The following DNAH2 variants were observed in gnomAD, a reference collection of about 807,000 sequenced individuals.
DNAH2 encodes the protein axonemal beta dynein heavy chain 2.
Under a neutral mutation model 523.5 loss-of-function variants are expected in DNAH2, and 323 were observed. That is an observed-to-expected ratio of 0.62 (90% confidence interval 0.56 to 0.68). The LOEUF is 0.68. Ranked by LOEUF, DNAH2 falls within the 30% of genes least tolerant of loss-of-function variation. The pLI, the probability that DNAH2 is intolerant of heterozygous loss-of-function variation, is 0.00. For missense variants in DNAH2, 4,907 were observed against 5,701.5 expected (o/e 0.86, Z 4.49); for synonymous variants, 2,093 against 2,177.4 (o/e 0.96, Z 1.08).
rs949267721 is a variant in DNAH2, at chr17:7,821,424, G to A, written c.11142+55G>A. ...TGGGATGGTCAAGGTTGGGGATGAG[G>A]GCAAGTGTGACAAGGACTCCAGACC... On this transcript the variant is annotated intron_variant, in intron 73 of 85. Transcript: ENST00000572933. This position sits in a 1 kb window ranked among gnomAD's most constrained non-coding sequence, Gnocchi z 5.0. 8.9e-6 allele frequency: 14 copies of A among 1,572,552 alleles called. No homozygotes were observed. In the Admixed American group the frequency reaches 2.5e-4, roughly 28 times the overall value.
rs2076937330 is a variant in DNAH2 at position 7,792,859 on chromosome 17, TG to T, written c.7344+5del. 1 of 1,609,294 alleles carries T rather than the reference TG, an allele frequency of 6.2e-7. No individual in the cohort carries two copies. Among genetic ancestry groups the T allele is most frequent in the South Asian group, 1.1e-5 (1 of 91,046 alleles). ...CGTTGTCAACATGTCCGCACAGGTG[TG>T]TCGGGGATCCAGGGGCCAGGCTGCC... On this transcript the variant is annotated splice_donor_5th_base_variant and intron_variant, in intron 47 of 85. Transcript: ENST00000572933.
Position 7,832,453 on chromosome 17 carries a change from G to A in DNAH2, c.12727-126G>A. The A allele has an allele frequency of 8.5e-7, 1 of 1,172,988 alleles. No homozygotes were observed. Among genetic ancestry groups the A allele is most frequent in the South Asian group, 1.5e-5 (1 of 68,026 alleles). The allele number at this position is 1,172,988 out of a possible 1,614,324, so 72.7% of individuals were successfully genotyped here. On this transcript the variant is annotated intron_variant, in intron 82 of 85. Transcript: ENST00000572933. The surrounding 1 kb of genome is among the most constrained non-coding windows in gnomAD (Gnocchi z 4.3). ...TAACTTGGGAGGTGGAGGTTGCAGT[G>A]AGCCAAGATCGTACCACTGCACTCC...
intron 63 of DNAH2, among the ~76,000 whole-genome samples, chr17:7,810,731 C>CTGATA (rs56720790): frequency 0.85 from 129,072 of 151,754 alleles, 56,301 homozygotes; most frequent in Non-Finnish European, 0.94. Context: ...AGGCACTGTG[C>CTGATA]CCTGGGCCCT....
chr17:7,740,295 G>A, intron 9 of DNAH2, 125 bp from the exon 10 acceptor site: 1 of 1,431,408 alleles, frequency 7.0e-7, no homozygotes, highest in Non-Finnish European at 9.5e-7. Context: ...TGTAGGTAAA[G>A]TACTTGGAGT....
At chr17:7,766,025 C>T (rs745526038) in intron 21 of DNAH2, among the ~76,000 whole-genome samples, 1 of 152,144 alleles carries the variant, frequency 6.6e-6, no homozygotes, top group Non-Finnish European at 1.5e-5. Context: ...GATCTGCCTG[C>T]CTCGGCCTCC....
rs761707767 is a variant in DNAH2, at chr17:7,807,625, C to T, written c.9729+39C>T. On this transcript the variant is annotated intron_variant, in intron 63 of 85. Coordinates refer to ENST00000572933, the MANE Select transcript of DNAH2 (RefSeq NM_020877.5). This position sits in a 1 kb window ranked among gnomAD's most constrained non-coding sequence, Gnocchi z 5.6. ...CTGTCCTTTCCACGGAGGTCCCTCT[C>T]CCTGAGTTCTGGATTGCTTCATTAA... The T allele has an allele frequency of 3.2e-6, 5 of 1,562,014 alleles. No homozygotes were observed. The highest frequency in any genetic ancestry group is 1.1e-5 in the South Asian group (1 of 90,116).
intron 78 of DNAH2, 44 bp downstream of exon 78, chr17:7,830,535 C>T (rs148982764): frequency 6.2e-7 from 1 of 1,608,576 alleles, no homozygotes; most frequent in African/African-American, 1.3e-5. Flanking sequence ...TCTCTCCTTA[C>T]ACGTCCTACC....
In DNAH2 at chr17:7,818,298, T is replaced by C. The variant is rs1597760688; in HGVS notation, c.10388-14T>C. Reference sequence around the variant, plus strand: ...CACATGGAGTCCTTGCCCCTGACCCTTCCGTGGATGCAGGTGGTCGGCTGT... The same window carrying C: ...CACATGGAGTCCTTGCCCCTGACCCCTCCGTGGATGCAGGTGGTCGGCTGT... On this transcript the variant is annotated splice_polypyrimidine_tract_variant and intron_variant, in intron 68 of 85. Coordinates refer to ENST00000572933, the MANE Select transcript of DNAH2 (RefSeq NM_020877.5). 6.2e-7 allele frequency: 1 copy of C among 1,613,708 alleles called. No individual in the cohort carries two copies. Among genetic ancestry groups the C allele is most frequent in the East Asian group, 2.2e-5 (1 of 44,888 alleles).
intron 63 of DNAH2, among the ~76,000 whole-genome samples, chr17:7,813,415 G>A (rs1403420662): frequency 6.6e-6 from 1 of 151,948 alleles, no homozygotes; most frequent in African/African-American, 2.4e-5. Flanking sequence ...TTATTACAGC[G>A]TTGTTAATAG....
chr17:7,763,714 C>T, intron 18 of DNAH2, 117 bp from the exon 19 acceptor site: 3 of 1,237,060 alleles, frequency 2.4e-6, no homozygotes, highest in Non-Finnish European at 3.5e-6. Context: ...TAGAAGAACA[C>T]TCTAGAACTG....
At chr17:7,827,051 G>A (rs925602640) in intron 77 of DNAH2, among the ~76,000 whole-genome samples, 5 of 151,968 alleles carry the variant, frequency 3.3e-5, no homozygotes, top group Admixed American at 6.5e-5. Context: ...TGCAACCATT[G>A]CTATATATGT....
Position 7,786,592 on chromosome 17 carries a change from C to T in DNAH2, c.6371C>T (p.Ala2124Val), listed in dbSNP as rs1191906322. Residue 2124 changes from alanine (A) to valine (V), a missense_variant, in exon 41 of 86, where the codon GCA becomes GTA. Around this residue, in one of 3 missense-constraint regions of DNAH2, gnomAD observed 2,806 missense variants for 3,190.8 expected, o/e 0.88. Transcript: ENST00000572933. This position sits in a 1 kb window ranked among gnomAD's most constrained non-coding sequence, Gnocchi z 7.5. ...CAGGAGTTCCCTTTGAACCCCAAGGCATTGTCCCTAGGGGAACTGTATGGG... is the reference window on the plus strand; with the variant it reads ...CAGGAGTTCCCTTTGAACCCCAAGGTATTGTCCCTAGGGGAACTGTATGGG... ...IVREFPLNPK[A>V]LSLGELYGEY... is the part of the protein sequence containing the mutation. 7 of 1,613,844 alleles carry T rather than the reference C, an allele frequency of 4.3e-6. 1 individual carries two copies. The highest frequency in any genetic ancestry group is 5.9e-6 in the Non-Finnish European group (7 of 1,179,970).
At chr17:7,744,722 A>G (rs1182559930) in intron 12 of DNAH2, among the ~76,000 whole-genome samples, 1 of 152,176 alleles carries the variant, frequency 6.6e-6, no homozygotes, top group African/African-American at 2.4e-5. Context: ...ATTGCCTCAT[A>G]AATCAACGAT....
At chr17:7,732,728 C>T (rs2075025705) in intron 4 of DNAH2, among the ~76,000 whole-genome samples, 1 of 152,176 alleles carries the variant, frequency 6.6e-6, no homozygotes, top group Non-Finnish European at 1.5e-5. Context: ...CTCCTTTCTG[C>T]TTTTTCCATT....
In DNAH2 at chr17:7,763,873, C is replaced by T. The variant is rs200002695; in HGVS notation, c.3021C>T (p.Val1007=). The T allele has an allele frequency of 4.0e-5, 65 of 1,614,064 alleles. 1 individual carries two copies. Among genetic ancestry groups the T allele is most frequent in the South Asian group, 1.3e-4 (12 of 91,084 alleles). ...VANNVQKEET[V]TNIQFVLLDC... is the part of the protein sequence containing the mutation. ...ATAACGTGCAGAAGGAGGAGACAGT[C>T]ACCAACATCCAGTTTGTGCTGCTGG... The change falls in exon 19 of 86, where the codon GTC becomes GTT. Residue 1007 remains valine (V), a synonymous_variant. Coordinates refer to ENST00000572933, the MANE Select transcript of DNAH2 (RefSeq NM_020877.5).
chr17:7,792,376 G>C (rs774198111), intron 46 of DNAH2, 33 bp downstream of exon 46: 1 of 1,605,224 alleles, frequency 6.2e-7, no homozygotes, highest in African/African-American at 1.3e-5. Context: ...AGGAGGGCAT[G>C]GGGCAGCGGT....
At position 7,804,376 on chromosome 17, in the gene DNAH2, CAAG is replaced by C; in HGVS notation, c.9100_9102del (p.Lys3034del). 1 of 1,614,112 alleles carries C rather than the reference CAAG, an allele frequency of 6.2e-7. No homozygotes were observed. The highest frequency in any genetic ancestry group is 8.5e-7 in the Non-Finnish European group (1 of 1,180,022). On this transcript the variant is annotated inframe_deletion, in exon 59 of 86. Coordinates refer to ENST00000572933, the MANE Select transcript of DNAH2 (RefSeq NM_020877.5). Reference sequence around the variant, plus strand: ...TGATGTCGTTGGAGCTGGAGGATGCCAAGAAGAAGGTGGCTGAGTTCCAGAAGC... The same window carrying C: ...TGATGTCGTTGGAGCTGGAGGATGCCAAGAAGGTGGCTGAGTTCCAGAAGC...
rs2075250968 is a variant in DNAH2 at position 7,739,718 on chromosome 17, T to C, written c.1171-15T>C. On this transcript the variant is annotated splice_polypyrimidine_tract_variant and intron_variant, in intron 8 of 85. Coordinates refer to ENST00000572933, the MANE Select transcript of DNAH2 (RefSeq NM_020877.5). ...GGAAGGAAAGCAGGAACCCTCATGC[T>C]GTCTTCTTTTTTAGGTATGTGACTG... 1.2e-6 allele frequency: 2 copies of C among 1,609,924 alleles called. No homozygotes were observed. The highest frequency in any genetic ancestry group is 4.5e-5 in the East Asian group (2 of 44,884).
chr17:7,793,518 CTCTTTCTCTTTCTTTCTT>C (rs1567709797), intron 48 of DNAH2, among the ~76,000 whole-genome samples: 17 of 75,198 alleles, frequency 2.3e-4, no homozygotes, highest in South Asian at 3.9e-4. Flanking sequence ...TTTCTTTCTT[CTCTTTCTCTTTCTTTCTT>C]TTTCTTTCTT....
Sources: gnomAD v4.1 joint callset for allele counts (sites outside exome capture counted in the v4.1 genomes callset) on GRCh38, gnomAD v4.1.1 for gene constraint, gnomAD v4.1.1 regional missense constraint, Gnocchi (gnomAD v3.1) non-coding constraint, MANE v1.5 for transcripts, NCBI Gene and HGNC (gene_info 2026-07-23, HGNC 2026-07-21) for gene names.